CCL24: variants seen among roughly 807,000 people sequenced by gnomAD.
The protein encoded by CCL24 is C-C motif chemokine ligand 24.
CCL24 carries 6 observed loss-of-function variants against 8.6 expected under a neutral mutation model. That is an observed-to-expected ratio of 0.70 (90% CI 0.38 to 1.38). The LOEUF (loss-of-function observed/expected upper bound fraction) is 1.38. Ranked by LOEUF, CCL24 falls within the 40% of genes most tolerant of loss-of-function variation. The pLI, the probability that CCL24 is intolerant of heterozygous loss-of-function variation, is 0.02. For synonymous variants in CCL24, 59 were observed against 52.7 expected (o/e 1.12, Z -0.52); for missense variants, 126 against 147.1 (o/e 0.86, Z 0.74).
intron 1 of CCL24, among the ~76,000 whole-genome samples, chr7:75,822,001 C>A (rs1262315731): frequency 6.6e-6 from 1 of 151,746 alleles, no homozygotes; most frequent in African/African-American, 2.4e-5. Context: ...ACTCCGGAGG[C>A]TGAGGCAGGA....
upstream of CCL24, among the ~76,000 whole-genome samples, chr7:75,816,793 C>G (rs1803900305): frequency 6.7e-6 from 1 of 150,212 alleles, no homozygotes; most frequent in African/African-American, 2.5e-5. Flanking sequence ...AACTCCTGAC[C>G]TCAGGTAATC....
rs782257140 is a variant in CCL24, at chr7:75,813,686, G to T, written c.30C>A (p.Ser10Arg). Reference protein sequence around the residue: MAGLMTIVTSLLFLGVCAHH... With the variant: MAGLMTIVTRLLFLGVCAHH... ...GGGCACAGACACCAAGGAACAGAAG[G>T]CTGGTTACTATGGTCATCAGGCCTG... is the stretch of plus-strand genomic sequence containing the variant. Residue 10 changes from serine (S) to arginine (R), a missense_variant, in exon 1 of 3, where the codon AGC becomes AGA. Coordinates refer to ENST00000222902, the MANE Select transcript of CCL24 (RefSeq NM_002991.3). 7 of 1,614,134 alleles carry T rather than the reference G, an allele frequency of 4.3e-6. No homozygotes were observed. The highest frequency in any genetic ancestry group is 2.2e-5 in the South Asian group (2 of 91,084).
At chr7:75,812,607 A>C (rs11465304) in intron 2 of CCL24, among the ~76,000 whole-genome samples, 34,638 of 151,944 alleles carry the variant, frequency 0.23, 4,494 homozygotes, top group Non-Finnish European at 0.29. Flanking sequence ...CTGAATAGTG[A>C]CTTGTTATAT....
intron 1 of CCL24, among the ~76,000 whole-genome samples, chr7:75,819,483 C>T (rs1803979617): frequency 6.7e-6 from 1 of 149,356 alleles, no homozygotes. Flanking sequence ...GAAAAATTAG[C>T]CAGACACTGG....
At chr7:75,819,574 G>T (rs1385058070) in intron 1 of CCL24, among the ~76,000 whole-genome samples, 2 of 151,112 alleles carry the variant, frequency 1.3e-5, no homozygotes, top group Non-Finnish European at 2.9e-5. Context: ...ACTAGCCTGG[G>T]TAACATAACA....
At chr7:75,813,222 G>C (rs1021541605) in intron 2 of CCL24, 84 bp downstream of exon 2, 10 of 766,604 alleles carry the variant, frequency 1.3e-5, no homozygotes, top group Non-Finnish European at 2.1e-5. Flanking sequence ...CAGAGCTGGG[G>C]CTGGCTGACC....
Position 75,811,533 on chromosome 7 carries a change from G to T in CCL24, c.*263C>A, listed in dbSNP as rs1554533419. Reference sequence around the variant, plus strand: ...AACCAGGTCAGGAGGAGAAGGCAAAGAGTTGCCACTGCTCTCCTTCTGGGA... The same window carrying T: ...AACCAGGTCAGGAGGAGAAGGCAAATAGTTGCCACTGCTCTCCTTCTGGGA... On this transcript the variant is annotated 3_prime_UTR_variant, in exon 3 of 3. Transcript: ENST00000222902. 5.5e-6 allele frequency: 2 copies of T among 364,778 alleles called. No individual in the cohort carries two copies. The highest frequency in any genetic ancestry group is 9.8e-6 in the Non-Finnish European group (2 of 203,928). 22.6% of individuals were successfully genotyped at this position (364,778 alleles called of 1,614,324 possible).
intron 1 of CCL24, among the ~76,000 whole-genome samples, chr7:75,819,222 C>A (rs1328859140): frequency 1.7e-5 from 2 of 118,948 alleles, no homozygotes; most frequent in African/African-American, 6.6e-5. Context: ...AAGTGGAGAT[C>A]GCACCATTGC....
At chr7:75,820,515 C>G (rs1804023932) in intron 1 of CCL24, among the ~76,000 whole-genome samples, 1 of 152,136 alleles carries the variant, frequency 6.6e-6, no homozygotes, top group African/African-American at 2.4e-5. Context: ...TAGCAGGAAC[C>G]AGACCCTTAA....
rs1411911306 is a variant in CCL24 at position 75,820,839 on chromosome 7, C to CCATT, written c.-60+2482_-60+2483insAATG. ...CTAATCCATCCATCCATCCATCCATCCATCCATCCCTCCACCCATCTATCT... is the reference window on the plus strand; with the variant it reads ...CTAATCCATCCATCCATCCATCCATCCATTCATCCATCCCTCCACCCATCTATCT... On this transcript the variant is annotated intron_variant, in intron 1 of 3. Transcript: ENST00000416943. Among the ~76,000 whole-genome samples, 3 of 151,658 alleles carry CCATT rather than the reference C, an allele frequency of 2.0e-5. No homozygotes were observed. The Admixed American group carries it at 2.0e-4, about 10-fold the overall frequency.
upstream of CCL24, among the ~76,000 whole-genome samples, chr7:75,816,109 GAA>G (rs1475687999): frequency 1.3e-5 from 2 of 152,118 alleles, no homozygotes; most frequent in African/African-American, 4.8e-5. Context: ...TGCTTGACCT[GAA>G]CGCCTTGAGA....
In CCL24 at chr7:75,811,645, C is replaced by T. The variant is rs1466966483; in HGVS notation, c.*151G>A. On this transcript the variant is annotated 3_prime_UTR_variant, in exon 3 of 3. Coordinates refer to ENST00000222902, the MANE Select transcript of CCL24 (RefSeq NM_002991.3). Reference sequence around the variant, plus strand: ...CCGGGAACCACATCACCTGCTCCCTCGGGTTTTTCATAGAAGAGACACATC... The same window carrying T: ...CCGGGAACCACATCACCTGCTCCCTTGGGTTTTTCATAGAAGAGACACATC... 16 of 664,782 alleles carry T rather than the reference C, an allele frequency of 2.4e-5. No individual in the cohort carries two copies. The highest frequency in any genetic ancestry group is 9.6e-5 in the Admixed American group (3 of 31,310). The allele number at this position is 664,782 out of a possible 1,614,324, so 41.2% of individuals were successfully genotyped here. A position where few individuals can be genotyped will look rare whatever the true frequency, so the allele number is the denominator to read the frequency against.
chr7:75,818,647 A>G, upstream of CCL24, among the ~76,000 whole-genome samples: 2 of 146,826 alleles, frequency 1.4e-5, no homozygotes, highest in African/African-American at 2.5e-5. Context: ...AGGAAGAGGG[A>G]AGCAGTAGAA....
Position 75,813,313 on chromosome 7 carries a change from C to G in CCL24, c.184G>C (p.Gly62Arg). Residue 62 changes from glycine to arginine, a missense_variant, in exon 2 of 3, where the codon GGA becomes CGA. Gly to Arg is a moderately radical substitution (Grantham distance 125). Coordinates refer to ENST00000222902, the MANE Select transcript of CCL24 (RefSeq NM_002991.3). Reference protein sequence around the residue: ...LSSRSTCLKAGVIFTTKKGQQ... With the variant: ...LSSRSTCLKARVIFTTKKGQQ... Reference sequence around the variant, plus strand: ...CCCATGAAGGATACCTACATCACTCCTGCCTTGAGGCATGTGCTCCTGCTG... The same window carrying G: ...CCCATGAAGGATACCTACATCACTCGTGCCTTGAGGCATGTGCTCCTGCTG... 1 of 1,600,232 alleles carries G rather than the reference C, an allele frequency of 6.2e-7. No individual in the cohort carries two copies. Among genetic ancestry groups the G allele is most frequent in the Non-Finnish European group, 8.6e-7 (1 of 1,167,846 alleles).
upstream of CCL24, chr7:75,813,863 G>A: frequency 1.7e-5 from 10 of 586,562 alleles, 1 homozygote; most frequent in South Asian, 7.3e-5. Context: ...ACACGCCCCC[G>A]AGCCCCCTCC....
chr7:75,816,899 C>T (rs1585029579), upstream of CCL24, among the ~76,000 whole-genome samples: 1 of 150,938 alleles, frequency 6.6e-6, no homozygotes, highest in Admixed American at 6.7e-5. Flanking sequence ...AGGTCTCACT[C>T]TGTTGCCCAG....
upstream of CCL24, among the ~76,000 whole-genome samples, chr7:75,814,347 T>G (rs978124644): frequency 1.3e-5 from 2 of 152,012 alleles, no homozygotes; most frequent in African/African-American, 4.8e-5. Context: ...GGGAGGATCA[T>G]TTGAGGCCAG....
upstream of CCL24, among the ~76,000 whole-genome samples, chr7:75,814,325 G>A (rs556037943): frequency 8.2e-4 from 125 of 152,234 alleles, 1 homozygote; most frequent in African/African-American, 2.9e-3. Context: ...CTGTGCTTTG[G>A]AAGTTTCAAG....
At chr7:75,821,819 T>TC in intron 1 of CCL24, among the ~76,000 whole-genome samples, 2 of 151,156 alleles carry the variant, frequency 1.3e-5, no homozygotes, top group South Asian at 4.2e-4. Flanking sequence ...TCCCAGCTAC[T>TC]TGGGAGGCTG....
Sources: allele counts gnomAD v4.1 joint callset (sites outside exome capture counted in the v4.1 genomes callset), GRCh38; gene constraint gnomAD v4.1.1; transcripts MANE v1.5; gene names NCBI Gene and HGNC (gene_info 2026-07-23, HGNC 2026-07-21).